ADAMTS2: variants seen among roughly 807,000 people sequenced by gnomAD.
The protein encoded by ADAMTS2 is A disintegrin and metalloproteinase with thrombospondin motifs 2.
ADAMTS2 carries 50 observed loss-of-function variants against 123.0 expected under a neutral mutation model. The ratio of observed to expected loss-of-function variants is 0.41; its 90% CI spans 0.32 to 0.51. The LOEUF (loss-of-function observed/expected upper bound fraction) is 0.51. ADAMTS2 is among the 20% of genes least tolerant of loss of function. ADAMTS2 has a pLI of 0.35. For missense variants in ADAMTS2, 1,494 were observed against 1,705.2 expected (o/e 0.88, Z 2.18); for synonymous variants, 678 against 695.4 (o/e 0.98, Z 0.39).
At chr5:179,321,350 C>T (rs72820647) in intron 2 of ADAMTS2, among the ~76,000 whole-genome samples, 4,170 of 152,226 alleles carry the variant, frequency 0.027, 91 homozygotes, top group Non-Finnish European at 0.043. Context: ...GTGCCATGCG[C>T]ACCAGCTTCC....
Position 179,258,001 on chromosome 5 carries a change from G to A in ADAMTS2, c.688+14910C>T, listed in dbSNP as rs148404938. Among the ~76,000 whole-genome samples the A allele has an allele frequency of 4.7e-3, 723 of 152,262 alleles. 7 individuals carry two copies. The highest frequency in any genetic ancestry group is 7.2e-3 in the Non-Finnish European group (490 of 68,022). ...CCTGGGCCCAGTGATCTCTGCTGGC[G>A]TCACCTGCCAGGCCCCCATCAGTGT... On this transcript the variant is annotated intron_variant, in intron 3 of 21. Coordinates refer to ENST00000251582, the MANE Select transcript of ADAMTS2 (RefSeq NM_014244.5).
In ADAMTS2 at chr5:179,166,685, T is replaced by G. The variant is rs1337527675; in HGVS notation, c.976-7806A>C. Among the ~76,000 whole-genome samples the G allele has an allele frequency of 2.6e-5, 4 of 152,212 alleles. No homozygotes were observed. In the South Asian group the frequency reaches 8.3e-4, roughly 32 times the overall value. On this transcript the variant is annotated intron_variant, in intron 5 of 21. Coordinates refer to ENST00000251582, the MANE Select transcript of ADAMTS2 (RefSeq NM_014244.5). ...GAGCTGCCCGCCGGGTCCCTCCTCCTGCGTGCGATCGGTCACCTGCCAGAT... is the reference window on the plus strand; with the variant it reads ...GAGCTGCCCGCCGGGTCCCTCCTCCGGCGTGCGATCGGTCACCTGCCAGAT...
At chr5:179,198,663 G>A (rs751737734) in intron 4 of ADAMTS2, among the ~76,000 whole-genome samples, 13 of 152,194 alleles carry the variant, frequency 8.5e-5, no homozygotes, top group African/African-American at 2.9e-4. Context: ...GTGAAACCCC[G>A]TCTCTACTAA....
chr5:179,296,468 C>A (rs534476109), intron 2 of ADAMTS2, among the ~76,000 whole-genome samples: 4 of 151,994 alleles, frequency 2.6e-5, no homozygotes, highest in Non-Finnish European at 5.9e-5. Flanking sequence ...GGCCCCTGCT[C>A]GGAGGCAGGA....
intron 3 of ADAMTS2, among the ~76,000 whole-genome samples, chr5:179,237,679 A>G (rs772628490): frequency 6.6e-6 from 1 of 152,086 alleles, no homozygotes; most frequent in Non-Finnish European, 1.5e-5. Flanking sequence ...TTTAATGAGG[A>G]CGGAATTAAA....
chr5:179,214,938 C>A (rs960460322), intron 3 of ADAMTS2, among the ~76,000 whole-genome samples: 2 of 152,100 alleles, frequency 1.3e-5, no homozygotes, highest in East Asian at 3.9e-4. Context: ...TAAAATTATT[C>A]TCCGCCAAAT....
At position 179,130,591 on chromosome 5, in the gene ADAMTS2, G is replaced by A. The variant is rs1049754904; in HGVS notation, c.2291-493C>T. Among the ~76,000 whole-genome samples the A allele has an allele frequency of 6.6e-6, 1 of 152,160 alleles. No homozygotes were observed. Among genetic ancestry groups the A allele is most frequent in the African/African-American group, 2.4e-5 (1 of 41,444 alleles). On this transcript the variant is annotated intron_variant, in intron 15 of 21. Transcript: ENST00000251582. The surrounding 1 kb of genome is among the most constrained non-coding windows in gnomAD (Gnocchi z 4.3). ...CCCCATCAGGGACCATGGCCCAGCC[G>A]AGGCCCCAGCAGCTCCCCACAGCCC...
At chr5:179,195,619 G>A (rs373440931) in intron 4 of ADAMTS2, among the ~76,000 whole-genome samples, 22 of 152,318 alleles carry the variant, frequency 1.4e-4, no homozygotes, top group Middle Eastern at 6.8e-3. Flanking sequence ...CTCTCCGGTC[G>A]CCCGAGTCCC....
rs1326541173 is a variant in ADAMTS2, at chr5:179,197,598, G to T, written c.891+9915C>A. Among the ~76,000 whole-genome samples, 1 of 152,116 alleles carries T rather than the reference G, an allele frequency of 6.6e-6. No homozygotes were observed. Among genetic ancestry groups the T allele is most frequent in the African/African-American group, 2.4e-5 (1 of 41,404 alleles). On this transcript the variant is annotated intron_variant, in intron 4 of 21. Transcript: ENST00000251582. This position sits in a 1 kb window ranked among gnomAD's most constrained non-coding sequence, Gnocchi z 4.2. Reference sequence around the variant, plus strand: ...CTTTAAAAAATGAGTCAGGCATGGTGGTGTGTGCCTGTAGTCCCAGCTGCT... The same window carrying T: ...CTTTAAAAAATGAGTCAGGCATGGTTGTGTGTGCCTGTAGTCCCAGCTGCT...
At chr5:179,134,137 T>G (rs978624331) in intron 13 of ADAMTS2, among the ~76,000 whole-genome samples, 1 of 152,224 alleles carries the variant, frequency 6.6e-6, no homozygotes, top group East Asian at 1.9e-4. Context: ...TGAAGCTACT[T>G]GTACTACAAC....
chr5:179,317,381 C>A lies in ADAMTS2; in HGVS notation c.534+26386G>T, dbSNP rs990065698. On this transcript the variant is annotated intron_variant, in intron 2 of 21. Transcript: ENST00000251582. This position sits in a 1 kb window ranked among gnomAD's most constrained non-coding sequence, Gnocchi z 4.9. ...CCTGCTCGGACGCTGCCCTTCTGACCCCGATTCCTGTCACCAACACAACAG... is the reference window on the plus strand; with the variant it reads ...CCTGCTCGGACGCTGCCCTTCTGACACCGATTCCTGTCACCAACACAACAG... Among the ~76,000 whole-genome samples, 1 of 152,170 alleles carries A rather than the reference C, an allele frequency of 6.6e-6. No homozygotes were observed. Among genetic ancestry groups the A allele is most frequent in the South Asian group, 2.1e-4 (1 of 4,818 alleles).
chr5:179,140,104 C>A (rs1763137468), intron 10 of ADAMTS2, 69 bp from the exon 11 acceptor site: 2 of 1,607,500 alleles, frequency 1.2e-6, no homozygotes, highest in East Asian at 4.5e-5. Flanking sequence ...CTGCGCTCTG[C>A]AGCCTGCAGT....
chr5:179,156,604 C>T lies in ADAMTS2; in HGVS notation c.1133-1685G>A, dbSNP rs545768214. On this transcript the variant is annotated intron_variant, in intron 6 of 21. Coordinates refer to ENST00000251582, the MANE Select transcript of ADAMTS2 (RefSeq NM_014244.5). ...CCATCTCCTGACCTCGTGACCTGCCCGCCTCGGCCTCCCACAGTGCTGGGA... is the reference window on the plus strand; with the variant it reads ...CCATCTCCTGACCTCGTGACCTGCCTGCCTCGGCCTCCCACAGTGCTGGGA... 2.6e-5 allele frequency among the ~76,000 whole-genome samples: 4 copies of T among 152,248 alleles called. No homozygotes were observed. The East Asian group carries it at 5.8e-4, about 22-fold the overall frequency.
intron 3 of ADAMTS2, among the ~76,000 whole-genome samples, chr5:179,217,320 C>T (rs1311207254): frequency 6.6e-6 from 1 of 152,222 alleles, no homozygotes; most frequent in Non-Finnish European, 1.5e-5. Context: ...AGACGCAAGA[C>T]AGCAACACTC....
chr5:179,124,830 G>A, intron 19 of ADAMTS2, 143 bp downstream of exon 19: 1 of 1,600,466 alleles, frequency 6.2e-7, no homozygotes, highest in Non-Finnish European at 8.5e-7. Context: ...GCGGCTCTCA[G>A]GCCGGGCGTC....
chr5:179,293,267 T>C (rs1190721434), intron 2 of ADAMTS2, among the ~76,000 whole-genome samples: 1 of 152,248 alleles, frequency 6.6e-6, no homozygotes, highest in African/African-American at 2.4e-5. Flanking sequence ...GGCAGCGGCC[T>C]GTGCCTTCCT....
rs1008360082 is a variant in ADAMTS2, at chr5:179,170,665, C to A, written c.975+10407G>T. 6.6e-6 allele frequency among the ~76,000 whole-genome samples: 1 copy of A among 152,170 alleles called. No individual in the cohort carries two copies. The highest frequency in any genetic ancestry group is 2.4e-5 in the African/African-American group (1 of 41,436). On this transcript the variant is annotated intron_variant, in intron 5 of 21. Coordinates refer to ENST00000251582, the MANE Select transcript of ADAMTS2 (RefSeq NM_014244.5). The surrounding 1 kb of genome is among the most constrained non-coding windows in gnomAD (Gnocchi z 4.3). Reference sequence around the variant, plus strand: ...TGCCCCCAGATCTTGGCTGGGAAGTCCCCATCCTGGCTGCTCCATCCATGG... The same window carrying A: ...TGCCCCCAGATCTTGGCTGGGAAGTACCCATCCTGGCTGCTCCATCCATGG...
chr5:179,311,988 G>C (rs1033840169), intron 2 of ADAMTS2, among the ~76,000 whole-genome samples: 7 of 152,186 alleles, frequency 4.6e-5, no homozygotes, highest in Non-Finnish European at 1.0e-4. Flanking sequence ...TGGGGAGGAG[G>C]GAGAAGGGGC....
chr5:179,220,729 C>G (rs1260473839), intron 3 of ADAMTS2, among the ~76,000 whole-genome samples: 3 of 152,228 alleles, frequency 2.0e-5, no homozygotes, highest in Non-Finnish European at 4.4e-5. Flanking sequence ...CATCTCTGCA[C>G]TCTTCAAATC....
Sources: allele counts gnomAD v4.1 joint callset (sites outside exome capture counted in the v4.1 genomes callset), GRCh38; gene constraint gnomAD v4.1.1; non-coding constraint Gnocchi (gnomAD v3.1); transcripts MANE v1.5; gene names NCBI Gene and HGNC (gene_info 2026-07-23, HGNC 2026-07-21).